Variants in RBFOX1 observed in about 807,000 individuals in gnomAD.
RBFOX1 encodes the protein RNA binding fox-1 homolog 1, also known as RNA binding protein fox-1 homolog 1.
Under a neutral mutation model 57.7 loss-of-function variants are expected in RBFOX1, and 8 were observed. The observed-to-expected ratio is 0.14, with a 90% CI of 0.08 to 0.25. RBFOX1 has a LOEUF of 0.25. Among genes scored for constraint, RBFOX1 ranks in the 10% least tolerant of loss-of-function variants. RBFOX1 has a pLI of 1.00. For missense variants in RBFOX1, 611 were observed against 548.5 expected (o/e 1.11, Z -1.14); for synonymous variants, 326 against 222.4 (o/e 1.47, Z -4.15).
At chr16:7,075,258 T>G (rs1429155678) in intron 4 of RBFOX1, among the ~76,000 whole-genome samples, 1 of 152,220 alleles carries the variant, frequency 6.6e-6, no homozygotes, top group Non-Finnish European at 1.5e-5. Context: ...TGCTCAGTGA[T>G]GATCAAACCG....
At chr16:6,901,058 C>A (rs35618373) in intron 3 of RBFOX1, among the ~76,000 whole-genome samples, 198 of 152,324 alleles carry the variant, frequency 1.3e-3, no homozygotes, top group Non-Finnish European at 2.0e-3. Flanking sequence ...GTGTTCACAG[C>A]TTGGCCACTG....
intron 2 of RBFOX1, among the ~76,000 whole-genome samples, chr16:6,563,833 A>AT (rs1397863088): frequency 5.9e-5 from 9 of 151,896 alleles, no homozygotes; most frequent in Non-Finnish European, 1.2e-4. Flanking sequence ...CTCCAAAAAA[A>AT]AAATATATAT....
chr16:7,353,301 G>A (rs565962315), intron 4 of RBFOX1, among the ~76,000 whole-genome samples: 1 of 152,092 alleles, frequency 6.6e-6, no homozygotes, highest in Non-Finnish European at 1.5e-5. Context: ...TAATAAAAAA[G>A]ATAGACAGCA....
At chr16:6,659,059 G>A (rs900425576) in intron 3 of RBFOX1, among the ~76,000 whole-genome samples, 12 of 151,836 alleles carry the variant, frequency 7.9e-5, no homozygotes, top group East Asian at 5.8e-4. Flanking sequence ...AACCCGATGC[G>A]TTTGACATTT....
chr16:6,075,529 G>T (rs775846858), intron 1 of RBFOX1, among the ~76,000 whole-genome samples: 1 of 152,162 alleles, frequency 6.6e-6, no homozygotes, highest in Admixed American at 6.6e-5. Flanking sequence ...ACAATCTGTT[G>T]TTTCTGAGAT....
chr16:6,899,885 C>A (rs1416124369), intron 3 of RBFOX1, among the ~76,000 whole-genome samples: 1 of 152,134 alleles, frequency 6.6e-6, no homozygotes, highest in Non-Finnish European at 1.5e-5. Flanking sequence ...GTGAAGTTAA[C>A]AATGAGAGAG....
At chr16:6,072,804 G>A (rs934819639) in intron 1 of RBFOX1, among the ~76,000 whole-genome samples, 1 of 151,930 alleles carries the variant, frequency 6.6e-6, no homozygotes, top group African/African-American at 2.4e-5. Context: ...CATAGTAAAT[G>A]TTCTTAAACA....
chr16:7,144,351 A>G (rs549120078), intron 4 of RBFOX1, among the ~76,000 whole-genome samples: 8 of 150,712 alleles, frequency 5.3e-5, no homozygotes, highest in Non-Finnish European at 1.2e-4. Context: ...TCTGGTACCC[A>G]TCCTTGGACA....
chr16:6,310,248 T>G (rs2080089089), intron 1 of RBFOX1, among the ~76,000 whole-genome samples: 1 of 152,200 alleles, frequency 6.6e-6, no homozygotes, highest in South Asian at 2.1e-4. Flanking sequence ...ACAATTGTAT[T>G]TCATCAGTAA....
intron 4 of RBFOX1, among the ~76,000 whole-genome samples, chr16:7,068,915 C>T (rs755347990): frequency 6.6e-6 from 1 of 152,152 alleles, no homozygotes; most frequent in Non-Finnish European, 1.5e-5. Flanking sequence ...CTTGATAGTT[C>T]TGTTGATTTC....
intron 5 of RBFOX1, among the ~76,000 whole-genome samples, chr16:7,521,275 T>A (rs1251019813): frequency 6.6e-6 from 1 of 152,180 alleles, no homozygotes; most frequent in Non-Finnish European, 1.5e-5. Context: ...GGAGGTGATG[T>A]GGCAAAAGAT....
intron 4 of RBFOX1, among the ~76,000 whole-genome samples, chr16:7,295,769 A>G (rs997263949): frequency 4.6e-5 from 7 of 152,128 alleles, no homozygotes; most frequent in Admixed American, 1.3e-4. Context: ...TCGCAACTCC[A>G]TATTTCAGGT....
At chr16:5,593,976 C>T (rs1398474545) in intron 2 of RBFOX1, among the ~76,000 whole-genome samples, 2 of 152,120 alleles carry the variant, frequency 1.3e-5, no homozygotes, top group South Asian at 4.1e-4. Context: ...ACCCGTGATA[C>T]ACCACCCCCA....
intron 2 of RBFOX1, among the ~76,000 whole-genome samples, chr16:6,568,225 T>C (rs2097294782): frequency 6.6e-6 from 1 of 152,206 alleles, no homozygotes. Flanking sequence ...GGAGTGGCTC[T>C]AGCTCTAGTT....
At chr16:5,770,415 T>G (rs940279470) in intron 3 of RBFOX1, among the ~76,000 whole-genome samples, 1 of 152,212 alleles carries the variant, frequency 6.6e-6, no homozygotes, top group Non-Finnish European at 1.5e-5. Flanking sequence ...CTTATAGGGT[T>G]TAAAAGGGGA....
At chr16:6,717,132 C>T (rs1680349684) in intron 3 of RBFOX1, among the ~76,000 whole-genome samples, 1 of 152,098 alleles carries the variant, frequency 6.6e-6, no homozygotes, top group Admixed American at 6.5e-5. Flanking sequence ...GACTCTAGAA[C>T]CGTGAGAAAT....
At chr16:6,964,806 G>C (rs1174335803) in intron 3 of RBFOX1, among the ~76,000 whole-genome samples, 7 of 152,138 alleles carry the variant, frequency 4.6e-5, no homozygotes, top group Non-Finnish European at 2.9e-5. Context: ...TTAAAGCTAA[G>C]AAAGGCCTTT....
At chr16:7,618,148 A>G (rs773881433) in intron 10 of RBFOX1, among the ~76,000 whole-genome samples, 13 of 152,148 alleles carry the variant, frequency 8.5e-5, no homozygotes, top group African/African-American at 1.2e-4. Context: ...GTTGCATAAG[A>G]CCTTAAAATT....
chr16:7,513,531 T>C (rs1197033935), intron 4 of RBFOX1, among the ~76,000 whole-genome samples: 2 of 152,172 alleles, frequency 1.3e-5, no homozygotes, highest in African/African-American at 4.8e-5. Flanking sequence ...GGACAGTCTT[T>C]TGTGGTTCAA....
Sources: gnomAD v4.1 joint callset for allele counts (sites outside exome capture counted in the v4.1 genomes callset) on GRCh38, gnomAD v4.1.1 for gene constraint, MANE v1.5 for transcripts, NCBI Gene and HGNC (gene_info 2026-07-23, HGNC 2026-07-21) for gene names.